MTX2: variants seen among roughly 807,000 people sequenced by gnomAD.
The protein encoded by MTX2 is metaxin-2.
Under a neutral mutation model 42.3 loss-of-function variants are expected in MTX2, and 35 were observed. That is an observed-to-expected ratio of 0.83 (90% CI 0.63 to 1.10). MTX2 has a LOEUF of 1.10. Ranked by LOEUF, MTX2 falls within the 50% of genes least tolerant of loss-of-function variation. MTX2 has a pLI of 0.00. For synonymous variants in MTX2, 119 were observed against 100.9 expected, an observed-to-expected ratio of 1.18 and a Z score of -1.08; for missense variants, 307 against 304.1, an observed-to-expected ratio of 1.01 and a Z score of -0.07.
chr2:176,269,492 C>T lies in MTX2; in HGVS notation c.-138C>T, dbSNP rs1003112592. The T allele has an allele frequency of 6.3e-6, 6 of 957,528 alleles. No homozygotes were observed. The highest frequency in any genetic ancestry group is 6.3e-5 in the East Asian group (2 of 31,908). The allele number at this position is 957,528 out of a possible 1,614,324, so 59.3% of individuals were successfully genotyped here. On this transcript the variant is annotated 5_prime_UTR_variant, in exon 1 of 10. Transcript: ENST00000249442. ...CTTGGGGGCCTCACTGCAGCCGCCGCTGCTGTTGGAGTGGGCTTTGCGAGT... is the reference window on the plus strand; with the variant it reads ...CTTGGGGGCCTCACTGCAGCCGCCGTTGCTGTTGGAGTGGGCTTTGCGAGT...
intron 3 of MTX2, among the ~76,000 whole-genome samples, chr2:176,319,389 T>C (rs1265894755): frequency 6.6e-6 from 1 of 151,842 alleles, no homozygotes; most frequent in Non-Finnish European, 1.5e-5. Context: ...ACCTTGCTAT[T>C]GTTTTAGGGT....
intron 1 of MTX2, among the ~76,000 whole-genome samples, chr2:176,291,266 A>AT (rs1693322394): frequency 6.6e-6 from 1 of 152,096 alleles, no homozygotes; most frequent in African/African-American, 2.4e-5. Context: ...AGTTTATTTT[A>AT]TTTTTTATGT....
chr2:176,291,708 C>T (rs938003748), intron 1 of MTX2, among the ~76,000 whole-genome samples: 1 of 152,048 alleles, frequency 6.6e-6, no homozygotes, highest in African/African-American at 2.4e-5. Flanking sequence ...GGGGGCCCTT[C>T]CAAGTGCAGA....
intron 3 of MTX2, among the ~76,000 whole-genome samples, chr2:176,299,294 T>C (rs950742838): frequency 7.2e-5 from 11 of 152,024 alleles, no homozygotes; most frequent in Admixed American, 4.6e-4. Context: ...TTTGTCAAGG[T>C]TGACAAACCC....
chr2:176,328,901 A>G lies in MTX2; in HGVS notation c.406A>G (p.Thr136Ala). 6.2e-7 allele frequency: 1 copy of G among 1,606,894 alleles called. No homozygotes were observed. The highest frequency in any genetic ancestry group is 8.5e-7 in the Non-Finnish European group (1 of 1,175,232). ...GTATCTTCAGTGGTGTGATGAAGCT[A>G]CAGTAGGGGAGGTGAGTGGTTCTGT... ...ELYLQWCDEA[T>A]VGEITHARYG... The change falls in exon 7 of 10, where the codon ACA becomes GCA. Residue 136 changes from threonine (T) to alanine (A), a missense_variant. Physicochemically the swap from Thr to Ala is moderately conservative, Grantham distance 58. Transcript: ENST00000249442.
chr2:176,288,420 C>G (rs980105072), intron 1 of MTX2, among the ~76,000 whole-genome samples: 1 of 151,912 alleles, frequency 6.6e-6, no homozygotes, highest in Admixed American at 6.6e-5. Context: ...AGTAACTTGT[C>G]CATGTTTAAG....
intron 1 of MTX2, chr2:176,270,161 T>G (rs530279037): frequency 9.3e-5 from 31 of 333,016 alleles, no homozygotes; most frequent in African/African-American, 6.4e-4. Context: ...GCTAAGACTC[T>G]AGGAGTTATT....
At chr2:176,336,714 G>C (rs1684994202) in intron 9 of MTX2, among the ~76,000 whole-genome samples, 1 of 152,036 alleles carries the variant, frequency 6.6e-6, no homozygotes, top group African/African-American at 2.4e-5. Context: ...TGTTACTAAA[G>C]AAAGCAAGTC....
At chr2:176,316,753 C>T (rs1210201452) in intron 3 of MTX2, among the ~76,000 whole-genome samples, 1 of 152,026 alleles carries the variant, frequency 6.6e-6, no homozygotes, top group Non-Finnish European at 1.5e-5. Flanking sequence ...GGATGCGTCA[C>T]AATTTGTTTT....
chr2:176,271,199 A>G (rs1692796445), intron 1 of MTX2, among the ~76,000 whole-genome samples: 2 of 152,232 alleles, frequency 1.3e-5, no homozygotes, highest in Admixed American at 6.5e-5. Context: ...GGATAATTCA[A>G]TAAATGGTGT....
At chr2:176,336,855 A>C (rs1014372732) in intron 9 of MTX2, among the ~76,000 whole-genome samples, 4 of 152,140 alleles carry the variant, frequency 2.6e-5, no homozygotes, top group African/African-American at 4.8e-5. Flanking sequence ...ATTTTAAAAA[A>C]CATATCCACG....
Position 176,330,053 on chromosome 2 carries a change from G to A in MTX2, c.544-531G>A, listed in dbSNP as rs186035737. ...AATACTAGCCAGCCATCTCACTGAT[G>A]TGTGCCATTGGCTACAAGGGGGTTT... On this transcript the variant is annotated intron_variant, in intron 8 of 9. Coordinates refer to ENST00000249442, the MANE Select transcript of MTX2 (RefSeq NM_006554.5). Among the ~76,000 whole-genome samples, 306 of 151,192 alleles carry A rather than the reference G, an allele frequency of 2.0e-3. 1 individual carries two copies. Among genetic ancestry groups the A allele is most frequent in the African/African-American group, 7.2e-3 (297 of 41,454 alleles).
intron 1 of MTX2, among the ~76,000 whole-genome samples, chr2:176,293,164 A>G (rs1406348959): frequency 1.3e-5 from 2 of 152,240 alleles, no homozygotes; most frequent in Non-Finnish European, 2.9e-5. Context: ...ATTCTAAAGC[A>G]TAAGTAAAAG....
intron 3 of MTX2, among the ~76,000 whole-genome samples, chr2:176,318,764 A>G (rs1194460143): frequency 6.6e-6 from 1 of 152,164 alleles, no homozygotes; most frequent in Non-Finnish European, 1.5e-5. Flanking sequence ...TCCTTTATGT[A>G]CTGATTACTG....
chr2:176,320,286 C>T (rs1684547813), intron 3 of MTX2, among the ~76,000 whole-genome samples: 1 of 151,922 alleles, frequency 6.6e-6, no homozygotes, highest in South Asian at 2.1e-4. Flanking sequence ...CAGAACATTA[C>T]AATTCTGCTT....
intron 7 of MTX2, 103 bp downstream of exon 7, chr2:176,329,015 C>A: frequency 9.3e-7 from 1 of 1,073,490 alleles, no homozygotes; most frequent in Non-Finnish European, 1.4e-6. Flanking sequence ...GTGGTTTATA[C>A]CATTAGTGAT....
intron 3 of MTX2, among the ~76,000 whole-genome samples, chr2:176,305,243 C>A (rs1214719917): frequency 1.3e-5 from 2 of 151,948 alleles, no homozygotes; most frequent in Non-Finnish European, 2.9e-5. Flanking sequence ...ATGTTCCTTC[C>A]ATCTACTAGT....
At chr2:176,329,596 A>T (rs1479929149) in intron 8 of MTX2, among the ~76,000 whole-genome samples, 170 bp downstream of exon 8, 1 of 151,222 alleles carries the variant, frequency 6.6e-6, no homozygotes, top group African/African-American at 2.4e-5. Flanking sequence ...TACATGCTTG[A>T]TGTAAAGCAA....
At chr2:176,335,266 G>A (rs977390808) in intron 9 of MTX2, among the ~76,000 whole-genome samples, 3 of 152,016 alleles carry the variant, frequency 2.0e-5, no homozygotes, top group Admixed American at 6.6e-5. Flanking sequence ...ATTGGCTTGA[G>A]TTTGTTACGT....
Sources: allele counts gnomAD v4.1 joint callset (sites outside exome capture counted in the v4.1 genomes callset), GRCh38; gene constraint gnomAD v4.1.1; transcripts MANE v1.5; gene names NCBI Gene and HGNC (gene_info 2026-07-23, HGNC 2026-07-21).